Variants in ZFP64 observed in about 807,000 individuals in gnomAD.
The protein encoded by ZFP64 is ZFP64 zinc finger protein.
A neutral mutation model predicts 51.6 loss-of-function variants in ZFP64; 14 were observed. That is an observed-to-expected ratio of 0.27 (90% CI 0.18 to 0.42). The LOEUF (loss-of-function observed/expected upper bound fraction) is 0.42. Among genes scored for constraint, ZFP64 ranks in the 10% least tolerant of loss-of-function variants. ZFP64 has a pLI of 1.00. For synonymous variants in ZFP64, 375 were observed against 361.4 expected (o/e 1.04, Z -0.43); for missense variants, 754 against 906.8 (o/e 0.83, Z 2.16).
chr20:52,127,759 A>G (rs1979517265), intron 5 of ZFP64, among the ~76,000 whole-genome samples: 1 of 152,150 alleles, frequency 6.6e-6, no homozygotes, highest in South Asian at 2.1e-4. Context: ...TTTTCACCAT[A>G]CTTGTGTTGA....
rs1301679126 is a variant in ZFP64, at chr20:52,160,286, C to T, written c.600G>A (p.Val200=). 1 of 1,614,268 alleles carries T rather than the reference C, an allele frequency of 6.2e-7. No homozygotes were observed. The highest frequency in any genetic ancestry group is 2.2e-5 in the East Asian group (1 of 44,882). The change falls in exon 5 of 6, where the codon GTG becomes GTA. Residue 200 remains valine, a synonymous_variant. Coordinates refer to ENST00000216923, the MANE Select transcript of ZFP64 (RefSeq NM_018197.3). The surrounding 1 kb of genome is among the most constrained non-coding windows in gnomAD (Gnocchi z 4.2). The part of the protein sequence containing the change: ...LKTHMRCHTG[V]KPYKCKTCDY... ...CACACGTCTTACACTTGTAGGGCTT[C>T]ACGCCCGTGTGGCACCGCATGTGAG... is the stretch of plus-strand genomic sequence containing the variant.
intron 7 of ZFP64, among the ~76,000 whole-genome samples, chr20:52,090,927 CA>C (rs797006213): frequency 0.059 from 4,006 of 67,986 alleles, 36 homozygotes; most frequent in East Asian, 0.13. Context: ...CTGACTCTAC[CA>C]AAAAAAAAAA....
At chr20:52,142,839 C>CAAAAAAAAAAAAAAAAA (rs386393987) in intron 5 of ZFP64, among the ~76,000 whole-genome samples, 1 of 55,046 alleles carries the variant, frequency 1.8e-5, no homozygotes, top group African/African-American at 5.6e-5. Context: ...GACTCCATCT[C>CAAAAAAAAAAAAAAAAA]AAAAAAAAAA....
At chr20:52,145,639 AAAAAC>A (rs767626968) in intron 5 of ZFP64, among the ~76,000 whole-genome samples, 4 of 152,204 alleles carry the variant, frequency 2.6e-5, no homozygotes, top group Admixed American at 1.3e-4. Flanking sequence ...ACCCTTTCTC[AAAAAC>A]AAAACAAAAC....
At chr20:52,111,111 G>GC in intron 5 of ZFP64, 1 of 829,518 alleles carries the variant, frequency 1.2e-6, no homozygotes, top group South Asian at 1.4e-5. Flanking sequence ...GAGACGCGGA[G>GC]CGGGGCACGG....
chr20:52,165,428 AAATAT>A (rs1282697121), intron 3 of ZFP64: 1 of 455,664 alleles, frequency 2.2e-6, no homozygotes, highest in Non-Finnish European at 4.4e-6. Context: ...ATGACAAAGC[AAATAT>A]AATAAAATGG....
chr20:52,144,594 A>AAAAAAAAAAAAAAAAAAG, intron 5 of ZFP64, among the ~76,000 whole-genome samples: 1 of 148,828 alleles, frequency 6.7e-6, no homozygotes, highest in Non-Finnish European at 1.5e-5. Context: ...AAAAAAAAAA[A>AAAAAAAAAAAAAAAAAAG]AAAAAAAATG....
chr20:52,125,806 T>C (rs187253964), intron 5 of ZFP64, among the ~76,000 whole-genome samples: 1 of 152,302 alleles, frequency 6.6e-6, no homozygotes, highest in African/African-American at 2.4e-5. Context: ...GAAAGCAAAT[T>C]ATTAGAGCTG....
At chr20:52,138,221 A>C (rs761042079) in intron 5 of ZFP64, among the ~76,000 whole-genome samples, 2 of 152,000 alleles carry the variant, frequency 1.3e-5, no homozygotes, top group Non-Finnish European at 2.9e-5. Flanking sequence ...AACACACAAA[A>C]AATTGGAATG....
chr20:52,173,825 T>C (rs1982952233), intron 2 of ZFP64, among the ~76,000 whole-genome samples: 2 of 151,894 alleles, frequency 1.3e-5, no homozygotes, highest in South Asian at 4.2e-4. Context: ...ATTTTTGTAT[T>C]TTTAGCAGAG....
downstream of ZFP64, among the ~76,000 whole-genome samples, chr20:52,148,518 T>C (rs1233689258): frequency 6.6e-6 from 1 of 152,168 alleles, no homozygotes; most frequent in Non-Finnish European, 1.5e-5. Context: ...ATGGCCAACA[T>C]GGCGAAATCT....
At chr20:52,173,622 A>G (rs923794587) in intron 2 of ZFP64, among the ~76,000 whole-genome samples, 1 of 152,064 alleles carries the variant, frequency 6.6e-6, no homozygotes, top group African/African-American at 2.4e-5. Context: ...AATGCTGTCA[A>G]AACATGGCAA....
rs139354176 is a variant in ZFP64, at chr20:52,132,017, A to G, written c.763+28106T>C. Among the ~76,000 whole-genome samples, 374 of 152,364 alleles carry G rather than the reference A, an allele frequency of 2.5e-3. 2 individuals carry two copies. Among genetic ancestry groups the G allele is most frequent in the African/African-American group, 8.6e-3 (357 of 41,592 alleles). On this transcript the variant is annotated intron_variant, in intron 5 of 8. Transcript: ENST00000361387. Reference sequence around the variant, plus strand: ...TTGAAAAAAAACTGATGTAATATCAATCATCTTCTCTGACCACAATGGGAC... The same window carrying G: ...TTGAAAAAAAACTGATGTAATATCAGTCATCTTCTCTGACCACAATGGGAC...
At chr20:52,111,927 C>CA (rs1179230381) in intron 5 of ZFP64, among the ~76,000 whole-genome samples, 7 of 151,748 alleles carry the variant, frequency 4.6e-5, no homozygotes, top group African/African-American at 9.7e-5. Context: ...ACTAAAAATA[C>CA]AAAAAATTAG....
At chr20:52,180,737 C>T (rs907862874) in intron 2 of ZFP64, among the ~76,000 whole-genome samples, 2 of 152,008 alleles carry the variant, frequency 1.3e-5, no homozygotes, top group Non-Finnish European at 2.9e-5. Flanking sequence ...CCCACTGAAG[C>T]CTGGCTGGAA....
downstream of ZFP64, among the ~76,000 whole-genome samples, chr20:52,148,149 T>C (rs912878299): frequency 1.1e-4 from 16 of 152,164 alleles, no homozygotes; most frequent in Non-Finnish European, 5.9e-5. Flanking sequence ...GCTAAGAACA[T>C]TTTGGAAAAT....
intron 5 of ZFP64, among the ~76,000 whole-genome samples, chr20:52,099,582 A>G (rs915551990): frequency 6.6e-6 from 1 of 152,226 alleles, no homozygotes; most frequent in Non-Finnish European, 1.5e-5. Flanking sequence ...ACTCACTGCA[A>G]GTTTGCTACA....
In ZFP64 at chr20:52,127,254, AT is replaced by A. The variant is rs371597670; in HGVS notation, c.764-28668del. Reference sequence around the variant, plus strand: ...TGTGAGCCACCACGCCTGGCCCAGAATTTTTTTTTTAAAGGAAGTGATACGG... The same window carrying A: ...TGTGAGCCACCACGCCTGGCCCAGAATTTTTTTTTAAAGGAAGTGATACGG... On this transcript the variant is annotated intron_variant, in intron 5 of 8. Transcript: ENST00000361387. Among the ~76,000 whole-genome samples, 7 of 149,646 alleles carry A rather than the reference AT, an allele frequency of 4.7e-5. No homozygotes were observed. In the East Asian group the frequency reaches 9.8e-4, roughly 21 times the overall value.
intron 2 of ZFP64, among the ~76,000 whole-genome samples, chr20:52,182,455 A>G (rs1041037466): frequency 6.6e-6 from 1 of 152,362 alleles, no homozygotes; most frequent in African/African-American, 2.4e-5. Context: ...GCAGTGGCTC[A>G]TGCCTGTAAT....
Sources: allele counts gnomAD v4.1 joint callset (sites outside exome capture counted in the v4.1 genomes callset), GRCh38; gene constraint gnomAD v4.1.1; non-coding constraint Gnocchi (gnomAD v3.1); transcripts MANE v1.5; gene names NCBI Gene and HGNC (gene_info 2026-07-23, HGNC 2026-07-21).